Variants in PANK1 observed in about 807,000 individuals in gnomAD.
PANK1 encodes pantothenate kinase 1, also known as pantothenic acid kinase 1.
In PANK1, 18 loss-of-function variants were observed where a neutral mutation model predicts 40.1. That is an observed-to-expected ratio of 0.45 (90% confidence interval 0.31 to 0.67). The LOEUF (loss-of-function observed/expected upper bound fraction) is 0.67, where lower values mean the gene tolerates loss of function less well. Among genes scored for constraint, PANK1 ranks in the 30% least tolerant of loss-of-function variants. The probability of loss-of-function intolerance (pLI) is 0.06; values close to 1 mark genes in which losing one functional copy is unlikely to be tolerated. For synonymous variants in PANK1, 242 were observed against 237.7 expected (o/e 1.02, Z -0.17); for missense variants, 457 against 599.6 (o/e 0.76, Z 2.48).
At chr10:89,623,535 T>C (rs1288127241) in intron 1 of PANK1, among the ~76,000 whole-genome samples, 1 of 152,154 alleles carries the variant, frequency 6.6e-6, no homozygotes, top group Non-Finnish European at 1.5e-5. Context: ...ATTTTTTTTT[T>C]TTTAAATAAT....
At chr10:89,619,550 C>A (rs1201522146) in intron 1 of PANK1, among the ~76,000 whole-genome samples, 1 of 152,142 alleles carries the variant, frequency 6.6e-6, no homozygotes, top group Non-Finnish European at 1.5e-5. Context: ...CCTGGTGAGG[C>A]ACAAGTGTTC....
At chr10:89,581,172 C>T (rs994751526), downstream of PANK1, 6 of 152,270 alleles carry the variant, frequency 3.9e-5, no homozygotes, top group African/African-American at 1.4e-4. Flanking sequence ...ATTTTGCTGT[C>T]TTTCTCTGCA....
At chr10:89,621,652 G>A (rs756061706) in intron 1 of PANK1, among the ~76,000 whole-genome samples, 25 of 152,100 alleles carry the variant, frequency 1.6e-4, no homozygotes, top group African/African-American at 3.4e-4. Context: ...GCTTACAACC[G>A]AGAATGTCCC....
intron 1 of PANK1, among the ~76,000 whole-genome samples, chr10:89,621,738 G>A (rs1415414221): frequency 1.3e-5 from 2 of 152,134 alleles, no homozygotes; most frequent in East Asian, 1.9e-4. Flanking sequence ...TAGGGGGATG[G>A]AGCCTCACTC....
In PANK1 at chr10:89,584,317, C is replaced by T; in HGVS notation, c.*89G>A. 2.5e-6 allele frequency: 2 copies of T among 808,384 alleles called. 1 individual carries two copies. The highest frequency in any genetic ancestry group is 2.9e-5 in the South Asian group (2 of 69,116). 50.1% of individuals were successfully genotyped at this position (808,384 alleles called of 1,614,324 possible). On this transcript the variant is annotated 3_prime_UTR_variant, in exon 7 of 7. Transcript: ENST00000307534. ...AGGTTCATCTGCCATAATGGCTTGG[C>T]TTCCGTCCCAAAGCGACTTTCACCT... is the stretch of plus-strand genomic sequence containing the variant.
intron 1 of PANK1, among the ~76,000 whole-genome samples, chr10:89,615,200 CACA>C (rs1260419412): frequency 2.0e-5 from 3 of 152,210 alleles, no homozygotes; most frequent in African/African-American, 7.2e-5. Context: ...GATACTTCCG[CACA>C]ACAAGACCCA....
chr10:89,611,480 GC>G (rs1268199332), intron 2 of PANK1, among the ~76,000 whole-genome samples: 2 of 152,162 alleles, frequency 1.3e-5, no homozygotes, highest in African/African-American at 4.8e-5. Context: ...CTTACTAAGT[GC>G]CAGGTACATA....
At chr10:89,624,099 A>G (rs1845589797) in intron 1 of PANK1, among the ~76,000 whole-genome samples, 1 of 152,146 alleles carries the variant, frequency 6.6e-6, no homozygotes, top group South Asian at 2.1e-4. Context: ...ATCATATTCT[A>G]ATATTTGAGA....
At chr10:89,601,347 G>A (rs1353128063) in intron 2 of PANK1, among the ~76,000 whole-genome samples, 2 of 150,848 alleles carry the variant, frequency 1.3e-5, no homozygotes, top group Non-Finnish European at 3.0e-5. Flanking sequence ...CCTGGTGTGG[G>A]GTACATGCTG....
At chr10:89,618,945 T>C (rs1043371878) in intron 1 of PANK1, among the ~76,000 whole-genome samples, 8 of 152,216 alleles carry the variant, frequency 5.3e-5, no homozygotes, top group Non-Finnish European at 1.0e-4. Flanking sequence ...GGTTATTTGT[T>C]ACTACAGAAT....
intron 1 of PANK1, among the ~76,000 whole-genome samples, chr10:89,618,643 T>C (rs1589798199): frequency 6.6e-6 from 1 of 152,362 alleles, no homozygotes; most frequent in East Asian, 1.9e-4. Context: ...AATGCAACTC[T>C]TGGCCATTTT....
intron 2 of PANK1, among the ~76,000 whole-genome samples, chr10:89,600,715 C>T (rs1844752546): frequency 6.6e-6 from 1 of 152,002 alleles, no homozygotes; most frequent in Non-Finnish European, 1.5e-5. Context: ...TTTGCCTTCT[C>T]AAAAGTTTAA....
chr10:89,603,561 G>A (rs967098623), intron 2 of PANK1, among the ~76,000 whole-genome samples: 1 of 152,134 alleles, frequency 6.6e-6, no homozygotes, highest in South Asian at 2.1e-4. Context: ...ATCACTGTGG[G>A]TCAGTGGGTT....
chr10:89,605,036 C>T (rs147369902), intron 2 of PANK1, among the ~76,000 whole-genome samples: 1,951 of 150,838 alleles, frequency 0.013, 20 homozygotes, highest in South Asian at 0.03. Flanking sequence ...CAGGTGTGAG[C>T]CACCAAGCCC....
At chr10:89,641,157 G>C (rs1008585443) in intron 1 of PANK1, among the ~76,000 whole-genome samples, 1 of 152,126 alleles carries the variant, frequency 6.6e-6, no homozygotes, top group African/African-American at 2.4e-5. Flanking sequence ...TATCCATGTA[G>C]AAGTATTGAT....
At chr10:89,631,976 G>GTT (rs68094860) in intron 1 of PANK1, among the ~76,000 whole-genome samples, 50,265 of 143,146 alleles carry the variant, frequency 0.35, 9,446 homozygotes, top group Non-Finnish European at 0.42. Flanking sequence ...GTGTGTGTGT[G>GTT]TTTTTTTTTT....
chr10:89,634,700 A>T (rs1480204412), intron 1 of PANK1, among the ~76,000 whole-genome samples: 1 of 152,178 alleles, frequency 6.6e-6, no homozygotes, highest in Non-Finnish European at 1.5e-5. Context: ...TGCCTCACTC[A>T]AGGGCTGAGA....
chr10:89,590,045 A>G (rs1042615928), intron 5 of PANK1, among the ~76,000 whole-genome samples: 14 of 151,400 alleles, frequency 9.2e-5, no homozygotes, highest in African/African-American at 2.9e-4. Context: ...GAAAAAAAAA[A>G]AAAGAAAGAA....
At chr10:89,594,889 AAGG>A (rs1200870579) in intron 3 of PANK1, among the ~76,000 whole-genome samples, 7 of 152,324 alleles carry the variant, frequency 4.6e-5, no homozygotes, top group Admixed American at 4.6e-4. Context: ...CCAGCAGGAA[AAGG>A]AGTATTGATT....
Sources: allele counts gnomAD v4.1 joint callset (sites outside exome capture counted in the v4.1 genomes callset), GRCh38; gene constraint gnomAD v4.1.1; transcripts MANE v1.5; gene names NCBI Gene and HGNC (gene_info 2026-07-23, HGNC 2026-07-21).